PPEF2: variants seen among roughly 807,000 people sequenced by gnomAD.
PPEF2 encodes serine/threonine-protein phosphatase with EF-hands 2.
A neutral mutation model predicts 84.7 loss-of-function variants in PPEF2; 84 were observed. The observed-to-expected ratio is 0.99, with a 90% CI of 0.83 to 1.19. The LOEUF is 1.19. PPEF2 is among the 50% of genes most tolerant of loss of function. The pLI is 0.00. For missense variants in PPEF2, 924 were observed against 937.5 expected (o/e 0.99, Z 0.19); for synonymous variants, 346 against 345.2 (o/e 1.00, Z -0.03).
chr4:75,884,007 C>T (rs973233424), intron 8 of PPEF2, among the ~76,000 whole-genome samples: 36 of 151,716 alleles, frequency 2.4e-4, no homozygotes, highest in Admixed American at 4.6e-4. Context: ...GTGGCAGGTG[C>T]CTGTAATCCC....
At chr4:75,875,524 A>T (rs1724386430) in intron 11 of PPEF2, among the ~76,000 whole-genome samples, 1 of 152,104 alleles carries the variant, frequency 6.6e-6, no homozygotes, top group Non-Finnish European at 1.5e-5. Flanking sequence ...TAGGAGGATC[A>T]TCTGAGCCTG....
chr4:75,874,902 CTTTTTTTTTTT>C (rs547098807), intron 11 of PPEF2, among the ~76,000 whole-genome samples: 2 of 138,106 alleles, frequency 1.4e-5, no homozygotes, highest in Non-Finnish European at 3.1e-5. Flanking sequence ...TTCTTTCTTT[CTTTTTTTTTTT>C]TTTTTTGAGA....
intron 11 of PPEF2, among the ~76,000 whole-genome samples, 158 bp from the exon 12 acceptor site, chr4:75,873,470 C>T (rs1396300122): frequency 6.6e-6 from 1 of 152,154 alleles, no homozygotes; most frequent in Admixed American, 6.6e-5. Flanking sequence ...TATTTTGGAC[C>T]TCTAAGGTTC....
At chr4:75,861,614 G>GTTTTTTTTTTTTTTTTTTTTTTTTTT (rs71210216) in intron 16 of PPEF2, among the ~76,000 whole-genome samples, 1 of 86,146 alleles carries the variant, frequency 1.2e-5, no homozygotes, top group Non-Finnish European at 2.4e-5. Flanking sequence ...TTATGCAACA[G>GTTTTTTTTTTTTTTTTTTTTTTTTTT]TTTTTTTTTT....
chr4:75,877,472 A>C (rs908644555), intron 10 of PPEF2, among the ~76,000 whole-genome samples: 2 of 152,186 alleles, frequency 1.3e-5, no homozygotes, highest in Non-Finnish European at 2.9e-5. Context: ...GTCCTTTGAG[A>C]GTACCACTTT....
chr4:75,883,121 A>G (rs754611033), intron 9 of PPEF2, 45 bp downstream of exon 9: 4 of 1,613,570 alleles, frequency 2.5e-6, no homozygotes, highest in East Asian at 2.2e-5. Flanking sequence ...AATTCACTCA[A>G]CTTATCTGAA....
chr4:75,869,552 G>A (rs370293377), intron 13 of PPEF2, among the ~76,000 whole-genome samples: 1 of 152,180 alleles, frequency 6.6e-6, no homozygotes. Context: ...CCTCTAAGAA[G>A]AGCATGTTAT....
rs1725008986 is a variant in PPEF2, at chr4:75,896,319, T to G, written c.7A>C (p.Ser3Arg). MGSGTSTQHHFAF... is the reference protein window; with the variant it reads MGRGTSTQHHFAF... Reference sequence around the variant, plus strand: ...AAATGATGTTGGGTGGAGGTGCCGCTTCCCATAGTTTAAGCGCAATGCTCC... The same window carrying G: ...AAATGATGTTGGGTGGAGGTGCCGCGTCCCATAGTTTAAGCGCAATGCTCC... The change falls in exon 2 of 17, where the codon AGC (serine) becomes CGC (arginine). Residue 3 changes from serine to arginine, a missense_variant. Transcript: ENST00000286719. The G allele has an allele frequency of 6.2e-7, 1 of 1,614,036 alleles. No individual in the cohort carries two copies. Among genetic ancestry groups the G allele is most frequent in the African/African-American group, 1.3e-5 (1 of 74,924 alleles).
At chr4:75,861,914 AAC>A (rs1452497102) in intron 16 of PPEF2, among the ~76,000 whole-genome samples, 1 of 150,764 alleles carries the variant, frequency 6.6e-6, no homozygotes, top group Non-Finnish European at 1.5e-5. Context: ...TAGCCTATGC[AAC>A]AGTTTTATAG....
intron 2 of PPEF2, among the ~76,000 whole-genome samples, chr4:75,895,202 CAG>C (rs1333346632): frequency 6.8e-6 from 1 of 148,020 alleles, no homozygotes; most frequent in Non-Finnish European, 1.5e-5. Flanking sequence ...CCGAGGCGGG[CAG>C]ATCACCTGAG....
Position 75,891,857 on chromosome 4 carries a change from T to G in PPEF2, c.177A>C (p.Gln59His), listed in dbSNP as rs2149228035. The stretch of plus-strand genomic sequence containing the variant: ...GTCCCACATCTCATTGTACCTTGAC[T>G]TGGTCTTGCTGCCCAGCATATTCTA... ...QSIEYAGQQD[Q>H]VKLHDFFSYL... The change falls in exon 3 of 17, where the codon CAA becomes CAC. Residue 59 changes from glutamine (Q) to histidine (H), a missense_variant. Transcript: ENST00000286719. The G allele has an allele frequency of 1.2e-6, 2 of 1,611,888 alleles. No individual in the cohort carries two copies. The highest frequency in any genetic ancestry group is 4.5e-5 in the East Asian group (2 of 44,770).
intron 14 of PPEF2, among the ~76,000 whole-genome samples, chr4:75,866,828 A>C (rs1724143562): frequency 1.3e-5 from 2 of 152,278 alleles, no homozygotes; most frequent in South Asian, 4.1e-4. Flanking sequence ...TGTGTACGTG[A>C]AAAGATATTA....
intron 10 of PPEF2, among the ~76,000 whole-genome samples, chr4:75,878,199 G>A (rs1203733182): frequency 6.6e-6 from 1 of 152,212 alleles, no homozygotes; most frequent in African/African-American, 2.4e-5. Flanking sequence ...CCTTGCCACA[G>A]GGAATTGAAT....
At chr4:75,862,071 GATC>G (rs1290322747) in intron 16 of PPEF2, among the ~76,000 whole-genome samples, 2 of 151,512 alleles carry the variant, frequency 1.3e-5, no homozygotes, top group Non-Finnish European at 2.9e-5. Flanking sequence ...GAGGTGGGCA[GATC>G]ACAAGGTCAG....
chr4:75,891,982 T>C lies in PPEF2; in HGVS notation c.56-4A>G, dbSNP rs759316359. On this transcript the variant is annotated splice_polypyrimidine_tract_variant and splice_region_variant and intron_variant, in intron 2 of 16. Coordinates refer to ENST00000286719, the MANE Select transcript of PPEF2 (RefSeq NM_006239.3). ...ATCAGGGCTGCTGCCTTGAAGGCTA[T>C]GACACCGATGGAGAAGCAAGCCTGT... is the stretch of plus-strand genomic sequence containing the variant. 6.2e-7 allele frequency: 1 copy of C among 1,611,702 alleles called. No homozygotes were observed. The highest frequency in any genetic ancestry group is 8.5e-7 in the Non-Finnish European group (1 of 1,178,014).
chr4:75,876,453 T>TCCCG lies in PPEF2; in HGVS notation c.1150_1153dup (p.Glu385AlafsTer43). The TCCCG allele has an allele frequency of 6.2e-7, 1 of 1,613,962 alleles. No individual in the cohort carries two copies. Among genetic ancestry groups the TCCCG allele is most frequent in the Non-Finnish European group, 8.5e-7 (1 of 1,179,942 alleles). On this transcript the variant is annotated frameshift_variant, in exon 11 of 17. Transcript: ENST00000286719. LOFTEE classifies it high-confidence loss of function. ...GGAGCTCCGCACCTGCCGGGAGAGC[T>TCCCG]CCCGCCCGTCCAGGGAACCGCTGCA... is the stretch of plus-strand genomic sequence containing the variant.
intron 1 of PPEF2, among the ~76,000 whole-genome samples, chr4:75,901,435 C>T (rs1428675768): frequency 1.3e-5 from 2 of 151,708 alleles, no homozygotes; most frequent in Admixed American, 6.6e-5. Flanking sequence ...GCAGGAGAAT[C>T]GCTTGAACCT....
intron 1 of PPEF2, among the ~76,000 whole-genome samples, chr4:75,897,895 G>A (rs1307709807): frequency 1.3e-5 from 2 of 152,164 alleles, no homozygotes; most frequent in South Asian, 2.1e-4. Flanking sequence ...CAGAAATATA[G>A]AGGTGCGAAG....
In PPEF2 at chr4:75,876,340, C is replaced by T; in HGVS notation, c.1267G>A (p.Ala423Thr). The T allele has an allele frequency of 6.2e-7, 1 of 1,613,800 alleles. No individual in the cohort carries two copies. Among genetic ancestry groups the T allele is most frequent in the Non-Finnish European group, 8.5e-7 (1 of 1,179,950 alleles). ...KEEPSRSASE[A>T]DSEAGELRKP... is the part of the protein sequence containing the mutation. ...CGCAGCTCTCCGGCTTCAGAGTCTG[C>T]TTCTGAGGCTGAGCGGGAGGGCTCC... Residue 423 changes from alanine to threonine, a missense_variant, in exon 11 of 17, where the codon GCA becomes ACA. Transcript: ENST00000286719.
Sources: gnomAD v4.1 joint callset for allele counts (sites outside exome capture counted in the v4.1 genomes callset) on GRCh38, gnomAD v4.1.1 for gene constraint, MANE v1.5 for transcripts, NCBI Gene and HGNC (gene_info 2026-07-23, HGNC 2026-07-21) for gene names.